The following TAFA2 variants were observed in gnomAD, a reference collection of about 807,000 sequenced individuals.
TAFA2 encodes chemokine-like protein TAFA-2.
TAFA2 carries 7 observed loss-of-function variants against 18.8 expected under a neutral mutation model. The ratio of observed to expected loss-of-function variants is 0.37; its 90% CI spans 0.21 to 0.70. The LOEUF is 0.70. Ranked by LOEUF, TAFA2 falls within the 30% of genes least tolerant of loss-of-function variation. The pLI is 0.53. For synonymous variants in TAFA2, 60 were observed against 54.2 expected (o/e 1.11, Z -0.47); for missense variants, 122 against 158.1 (o/e 0.77, Z 1.23).
intron 2 of TAFA2, among the ~76,000 whole-genome samples, chr12:61,769,065 C>T (rs1173041436): frequency 1.3e-5 from 2 of 151,832 alleles, no homozygotes; most frequent in Non-Finnish European, 2.9e-5. Flanking sequence ...CCTGTCACTG[C>T]CAGCTTTCCC....
chr12:62,021,765 C>G, intron 1 of TAFA2: 4 of 1,187,982 alleles, frequency 3.4e-6, no homozygotes, highest in East Asian at 2.3e-5. Context: ...CACACCCTGT[C>G]TGAGCAACAC....
At chr12:62,241,883 C>T (rs369378530) in intron 1 of TAFA2, among the ~76,000 whole-genome samples, 5 of 152,116 alleles carry the variant, frequency 3.3e-5, no homozygotes, top group African/African-American at 1.2e-4. Flanking sequence ...TACCCACTTA[C>T]ACAAGTCCCT....
At chr12:61,941,670 C>T (rs1878023826) in intron 1 of TAFA2, among the ~76,000 whole-genome samples, 1 of 152,198 alleles carries the variant, frequency 6.6e-6, no homozygotes, top group African/African-American at 2.4e-5. Flanking sequence ...AGTTCCCTTT[C>T]CGAGTCAAAG....
At chr12:61,783,450 T>C (rs574392215) in intron 2 of TAFA2, among the ~76,000 whole-genome samples, 13 of 151,758 alleles carry the variant, frequency 8.6e-5, no homozygotes, top group African/African-American at 3.1e-4. Flanking sequence ...GTTATCAAAC[T>C]CTATTGTACG....
chr12:61,980,796 C>T (rs7311225), intron 1 of TAFA2, among the ~76,000 whole-genome samples: 3,248 of 152,096 alleles, frequency 0.021, 127 homozygotes, highest in African/African-American at 0.072. Context: ...CACTGCTCAA[C>T]GAAACAAAAC....
intron 2 of TAFA2, among the ~76,000 whole-genome samples, chr12:61,772,617 T>C (rs894507711): frequency 6.6e-6 from 1 of 151,892 alleles, no homozygotes; most frequent in African/African-American, 2.4e-5. Context: ...AATAACATAA[T>C]CATCGCAATA....
At chr12:61,767,425 T>G (rs1869836390) in intron 2 of TAFA2, among the ~76,000 whole-genome samples, 1 of 152,158 alleles carries the variant, frequency 6.6e-6, no homozygotes, top group South Asian at 2.1e-4. Flanking sequence ...GAACTTTTAC[T>G]GTTTCCTGTA....
Position 62,045,983 on chromosome 12 carries a change from A to G in TAFA2, c.-2+145276T>C, listed in dbSNP as rs571565202. On this transcript the variant is annotated intron_variant, in intron 1 of 4. Transcript: ENST00000416284. Reference sequence around the variant, plus strand: ...ACTTAAGAATGAGAACTGTGATCCAAAAGAAATTCTGAGGGAAAATAAGAT... The same window carrying G: ...ACTTAAGAATGAGAACTGTGATCCAGAAGAAATTCTGAGGGAAAATAAGAT... Among the ~76,000 whole-genome samples the G allele has an allele frequency of 3.3e-5, 5 of 152,284 alleles. No individual in the cohort carries two copies. The South Asian group carries it at 1.0e-3, about 32-fold the overall frequency.
intron 1 of TAFA2, among the ~76,000 whole-genome samples, chr12:62,039,723 A>T (rs1009575940): frequency 6.6e-6 from 1 of 152,216 alleles, no homozygotes; most frequent in Admixed American, 6.5e-5. Context: ...CCTGAGATGC[A>T]TATACACTTG....
At chr12:61,819,274 AT>A (rs1872221594) in intron 2 of TAFA2, among the ~76,000 whole-genome samples, 1 of 152,248 alleles carries the variant, frequency 6.6e-6, no homozygotes, top group Admixed American at 6.5e-5. Flanking sequence ...TAAATGTACT[AT>A]AAAAATCGTG....
At chr12:62,184,617 T>C (rs959425482) in intron 1 of TAFA2, among the ~76,000 whole-genome samples, 1 of 145,694 alleles carries the variant, frequency 6.9e-6, no homozygotes, top group African/African-American at 2.5e-5. Context: ...CCTCTCAGCC[T>C]CTCAAGTAGC....
chr12:62,231,615 G>GT (rs1039778329), intron 1 of TAFA2, among the ~76,000 whole-genome samples: 7 of 151,832 alleles, frequency 4.6e-5, no homozygotes, highest in African/African-American at 1.7e-4. Flanking sequence ...TTTGTTACAT[G>GT]TTTTTTGTTT....
At chr12:61,886,689 A>G (rs1206118538) in intron 1 of TAFA2, among the ~76,000 whole-genome samples, 1 of 152,150 alleles carries the variant, frequency 6.6e-6, no homozygotes, top group Admixed American at 6.5e-5. Flanking sequence ...AGTCTAATTG[A>G]AAGGATGTAC....
chr12:61,920,056 T>A (rs995389888), intron 1 of TAFA2, among the ~76,000 whole-genome samples: 21 of 152,318 alleles, frequency 1.4e-4, no homozygotes, highest in Non-Finnish European at 4.4e-5. Context: ...ATTTTTGAAG[T>A]ACTTGAAACA....
At chr12:61,931,209 T>C (rs1877540601) in intron 1 of TAFA2, among the ~76,000 whole-genome samples, 1 of 152,194 alleles carries the variant, frequency 6.6e-6, no homozygotes, top group Non-Finnish European at 1.5e-5. Flanking sequence ...GAAACTCTAA[T>C]CCATTTCATG....
At chr12:61,904,097 T>A (rs999511170) in intron 1 of TAFA2, among the ~76,000 whole-genome samples, 1 of 152,154 alleles carries the variant, frequency 6.6e-6, no homozygotes, top group African/African-American at 2.4e-5. Context: ...CCTCAAAGCA[T>A]CCTTCTGTAT....
chr12:61,745,095 A>AG, intron 4 of TAFA2, among the ~76,000 whole-genome samples: 1 of 152,078 alleles, frequency 6.6e-6, no homozygotes, highest in Non-Finnish European at 1.5e-5. Context: ...ATCTCTCATT[A>AG]CTATAGAAAA....
chr12:61,749,993 C>CCCCACA (rs1555161293), intron 4 of TAFA2, among the ~76,000 whole-genome samples: 4 of 148,880 alleles, frequency 2.7e-5, no homozygotes, highest in African/African-American at 9.9e-5. Flanking sequence ...TCAAAACACC[C>CCCCACA]CACACACACA....
chr12:62,041,800 G>T (rs1381177860), intron 1 of TAFA2, among the ~76,000 whole-genome samples: 1 of 151,946 alleles, frequency 6.6e-6, no homozygotes, highest in Non-Finnish European at 1.5e-5. Context: ...TTACATAAAG[G>T]TTTATGCTTT....
Sources: gnomAD v4.1 joint callset for allele counts (sites outside exome capture counted in the v4.1 genomes callset) on GRCh38, gnomAD v4.1.1 for gene constraint, MANE v1.5 for transcripts, NCBI Gene and HGNC (gene_info 2026-07-23, HGNC 2026-07-21) for gene names.